The following LPXN variants were observed in gnomAD, a reference collection of about 807,000 sequenced individuals.
LPXN encodes leupaxin.
LPXN carries 28 observed loss-of-function variants against 45.6 expected under a neutral mutation model. The observed-to-expected ratio is 0.61, with a 90% CI of 0.45 to 0.84. The LOEUF is 0.84. Ranked by LOEUF, LPXN falls within the 40% of genes least tolerant of loss-of-function variation. LPXN has a pLI of 0.00. For synonymous variants in LPXN, 166 were observed against 169.9 expected (o/e 0.98, Z 0.18); for missense variants, 459 against 475.0 (o/e 0.97, Z 0.31).
chr11:58,578,496 TCA>T (rs1246574463), upstream of LPXN, among the ~76,000 whole-genome samples: 2 of 152,182 alleles, frequency 1.3e-5, no homozygotes, highest in Admixed American at 6.5e-5. Flanking sequence ...CGCCATTTTT[TCA>T]GAGACTTTCA....
At chr11:58,540,876 C>T (rs1015215497) in intron 7 of LPXN, among the ~76,000 whole-genome samples, 6 of 151,936 alleles carry the variant, frequency 3.9e-5, no homozygotes, top group East Asian at 1.9e-4. Flanking sequence ...AATGAATAGC[C>T]GCAAAATAAA....
intron 3 of LPXN, among the ~76,000 whole-genome samples, chr11:58,555,454 A>G (rs1002914443): frequency 2.6e-5 from 4 of 152,200 alleles, no homozygotes; most frequent in Non-Finnish European, 5.9e-5. Flanking sequence ...TATAATTGTA[A>G]GTAAATTATA....
chr11:58,551,251 C>T lies in LPXN; in HGVS notation c.319-19G>A. Reference sequence around the variant, plus strand: ...CTGCAACCTGGCCCAAGGGAAGAACCAAGAACAGAATCAGCCTCATTTTTA... The same window carrying T: ...CTGCAACCTGGCCCAAGGGAAGAACTAAGAACAGAATCAGCCTCATTTTTA... On this transcript the variant is annotated intron_variant, in intron 4 of 8. Transcript: ENST00000395074. 1 of 1,584,104 alleles carries T rather than the reference C, an allele frequency of 6.3e-7. No homozygotes were observed. The highest frequency in any genetic ancestry group is 8.6e-7 in the Non-Finnish European group (1 of 1,166,632).
intron 7 of LPXN, among the ~76,000 whole-genome samples, chr11:58,530,485 G>C (rs1289026697): frequency 6.6e-6 from 1 of 152,230 alleles, no homozygotes; most frequent in Non-Finnish European, 1.5e-5. Context: ...GCTGTGGCTA[G>C]ACTGCCTCTC....
Position 58,575,813 on chromosome 11 carries a change from G to T in LPXN, c.-41C>A, listed in dbSNP as rs749680024. On this transcript the variant is annotated 5_prime_UTR_variant, in exon 1 of 9. Coordinates refer to ENST00000395074, the MANE Select transcript of LPXN (RefSeq NM_004811.3). ...ATGCTCTTGTCTCACAGGCCGTGAG[G>T]AACAGCTTTGGCATGTGCTGAAGAA... The T allele has an allele frequency of 1.2e-6, 2 of 1,614,146 alleles. No individual in the cohort carries two copies. Among genetic ancestry groups the T allele is most frequent in the Non-Finnish European group, 1.7e-6 (2 of 1,180,018 alleles).
intron 7 of LPXN, among the ~76,000 whole-genome samples, chr11:58,549,374 C>G (rs1853971317): frequency 6.6e-6 from 1 of 152,060 alleles, no homozygotes; most frequent in African/African-American, 2.4e-5. Context: ...CCACTGCACT[C>G]CAGCCTGGGC....
At chr11:58,573,969 AGCCTCTGAGGCACCACTGCAG>A (rs1430602157) in intron 1 of LPXN, among the ~76,000 whole-genome samples, 1 of 152,164 alleles carries the variant, frequency 6.6e-6, no homozygotes, top group Non-Finnish European at 1.5e-5. Flanking sequence ...ACAAGCTGCT[AGCCTCTGAGGCACCACTGCAG>A]ACAGGAAATA....
chr11:58,556,743 GA>G (rs1324967964), intron 3 of LPXN, among the ~76,000 whole-genome samples: 1 of 151,576 alleles, frequency 6.6e-6, no homozygotes, highest in Non-Finnish European at 1.5e-5. Flanking sequence ...AATCCAATGC[GA>G]AAAAAAGAAC....
In LPXN at chr11:58,528,025, A is replaced by G; in HGVS notation, c.891+18T>C. ...CCTTGACTTTCCCTAAGTCCGAAAG[A>G]AAAGTGATTATACAGACCCCACAAA... On this transcript the variant is annotated intron_variant, in intron 8 of 8. Transcript: ENST00000395074. 1 of 1,603,924 alleles carries G rather than the reference A, an allele frequency of 6.2e-7. No individual in the cohort carries two copies. The highest frequency in any genetic ancestry group is 8.5e-7 in the Non-Finnish European group (1 of 1,173,578).
chr11:58,553,440 C>T (rs573873518), intron 4 of LPXN, among the ~76,000 whole-genome samples: 38 of 150,992 alleles, frequency 2.5e-4, no homozygotes, highest in Admixed American at 1.3e-3. Flanking sequence ...ATCTAATGTA[C>T]ATTTTTTCTA....
At chr11:58,540,215 TG>T (rs780975423) in intron 7 of LPXN, among the ~76,000 whole-genome samples, 8 of 152,098 alleles carry the variant, frequency 5.3e-5, no homozygotes, top group Admixed American at 2.6e-4. Flanking sequence ...ATAAAGAATA[TG>T]GGATATTTTA....
intron 2 of LPXN, 127 bp from the exon 3 acceptor site, chr11:58,564,328 T>A: frequency 1.5e-6 from 1 of 661,498 alleles, no homozygotes; most frequent in South Asian, 1.8e-5. Context: ...GTGGCATATC[T>A]ATGAGCTCTT....
chr11:58,535,281 T>C (rs1853516335), intron 7 of LPXN, among the ~76,000 whole-genome samples: 1 of 152,164 alleles, frequency 6.6e-6, no homozygotes, highest in Non-Finnish European at 1.5e-5. Context: ...GATAAAATAT[T>C]GGCAAACTGA....
chr11:58,538,942 G>A (rs1000085467), intron 7 of LPXN, among the ~76,000 whole-genome samples: 1 of 151,892 alleles, frequency 6.6e-6, no homozygotes, highest in Non-Finnish European at 1.5e-5. Flanking sequence ...ACAAAAAACT[G>A]TATCATTATA....
At chr11:58,575,626 TGAG>T in intron 1 of LPXN, 131 bp downstream of exon 1, 2 of 1,032,576 alleles carry the variant, frequency 1.9e-6, no homozygotes, top group Non-Finnish European at 3.0e-6. Context: ...TTGGCAGGGC[TGAG>T]GACAGGAAAG....
At chr11:58,539,541 T>C (rs1853653482) in intron 7 of LPXN, among the ~76,000 whole-genome samples, 1 of 152,110 alleles carries the variant, frequency 6.6e-6, no homozygotes, top group Non-Finnish European at 1.5e-5. Flanking sequence ...ATCAGAAAGA[T>C]ACAGTAACCA....
At chr11:58,541,596 T>G (rs959033422) in intron 7 of LPXN, among the ~76,000 whole-genome samples, 47 of 150,140 alleles carry the variant, frequency 3.1e-4, no homozygotes, top group Admixed American at 1.0e-3. Flanking sequence ...TTGGTGGGAC[T>G]GTAAACTAGT....
Position 58,531,763 on chromosome 11 carries a change from C to T in LPXN, c.743-3572G>A, listed in dbSNP as rs1853394247. Among the ~76,000 whole-genome samples the T allele has an allele frequency of 2.6e-5, 4 of 152,242 alleles. No individual in the cohort carries two copies. In the South Asian group the frequency reaches 8.3e-4, roughly 31 times the overall value. The stretch of plus-strand genomic sequence containing the variant: ...CCCCAAGACACATAATCATCAGATT[C>T]ACCAAGGTTGAAATTGAGGTGACAA... On this transcript the variant is annotated intron_variant, in intron 7 of 8. Transcript: ENST00000395074.
At chr11:58,531,629 A>T (rs1853390010) in intron 7 of LPXN, among the ~76,000 whole-genome samples, 1 of 151,324 alleles carries the variant, frequency 6.6e-6, no homozygotes. Context: ...GCTGAAAAAC[A>T]CTCTTCAGGA....
Sources: allele counts gnomAD v4.1 joint callset (sites outside exome capture counted in the v4.1 genomes callset), GRCh38; gene constraint gnomAD v4.1.1; transcripts MANE v1.5; gene names NCBI Gene and HGNC (gene_info 2026-07-23, HGNC 2026-07-21).